ANXA8: variants seen among roughly 807,000 people sequenced by gnomAD.
ANXA8 encodes annexin A8.
Under a neutral mutation model 26.8 loss-of-function variants are expected in ANXA8, and 9 were observed. The observed-to-expected ratio is 0.34, with a 90% CI of 0.20 to 0.59. The LOEUF (loss-of-function observed/expected upper bound fraction) is 0.59. Ranked by LOEUF, ANXA8 falls within the 20% of genes least tolerant of loss-of-function variation. The pLI is 0.84. For synonymous variants in ANXA8, 39 were observed against 94.8 expected, an observed-to-expected ratio of 0.41 and a Z score of 3.42; for missense variants, 83 against 238.5, an observed-to-expected ratio of 0.35 and a Z score of 4.29.
chr10:47,510,886 T>C, the ANXA8 span, among the ~76,000 whole-genome samples: 2 of 131,204 alleles, frequency 1.5e-5, 1 homozygote, highest in Non-Finnish European at 3.2e-5. Flanking sequence ...TATTTTTTTC[T>C]ACAGCAATAA....
chr10:47,764,103 C>T, the ANXA8 span, among the ~76,000 whole-genome samples: 3 of 151,460 alleles, frequency 2.0e-5, no homozygotes, highest in Non-Finnish European at 4.4e-5. Flanking sequence ...AAGGCGGAGA[C>T]CCAGGCCACT....
the ANXA8 span, among the ~76,000 whole-genome samples, chr10:47,639,748 A>G: frequency 2.0e-5 from 3 of 149,104 alleles, no homozygotes; most frequent in Non-Finnish European, 4.4e-5. Flanking sequence ...TTTTATTGTT[A>G]TAGAACATAC....
chr10:47,671,766 T>A, the ANXA8 span, among the ~76,000 whole-genome samples: 1 of 151,960 alleles, frequency 6.6e-6, no homozygotes, highest in African/African-American at 2.4e-5. Context: ...CTTTCTTAAC[T>A]ATATTGCTTT....
the ANXA8 span, among the ~76,000 whole-genome samples, chr10:47,982,835 A>ATATAT: frequency 5.5e-4 from 7 of 12,794 alleles, no homozygotes; most frequent in African/African-American, 1.5e-3. Context: ...TATATATATA[A>ATATAT]AATTTGATAA....
the ANXA8 span, chr10:47,550,871 A>G: frequency 1.1e-5 from 2 of 186,392 alleles, no homozygotes; most frequent in Non-Finnish European, 1.2e-5. Flanking sequence ...AAAGAAAAAA[A>G]AAGTAAACTC....
chr10:47,894,547 T>G, the ANXA8 span, among the ~76,000 whole-genome samples: 1 of 121,452 alleles, frequency 8.2e-6, no homozygotes, highest in Non-Finnish European at 1.7e-5. Context: ...CACCACAGAA[T>G]ATACCCCCCT....
the ANXA8 span, among the ~76,000 whole-genome samples, chr10:47,767,710 C>T: frequency 6.6e-6 from 1 of 151,716 alleles, no homozygotes; most frequent in Admixed American, 6.6e-5. Flanking sequence ...ACGCCACCCC[C>T]TGCCCCCGTG....
the ANXA8 span, among the ~76,000 whole-genome samples, chr10:47,684,592 G>T: frequency 6.6e-6 from 1 of 151,636 alleles, no homozygotes; most frequent in Admixed American, 6.6e-5. Flanking sequence ...AGTTTTTTTT[G>T]AGATTTTTTT....
the ANXA8 span, among the ~76,000 whole-genome samples, chr10:47,700,595 A>G: frequency 6.6e-6 from 1 of 151,646 alleles, no homozygotes; most frequent in Non-Finnish European, 1.5e-5. Flanking sequence ...GTGTAGGGAA[A>G]GGCTTTTTCT....
chr10:47,579,930 A>C, the ANXA8 span, among the ~76,000 whole-genome samples: 1 of 147,234 alleles, frequency 6.8e-6, no homozygotes, highest in Admixed American at 6.8e-5. Context: ...AAACTAATAA[A>C]ATTGAAGGAA....
At chr10:47,747,818 T>A in the ANXA8 span, among the ~76,000 whole-genome samples, 1 of 151,832 alleles carries the variant, frequency 6.6e-6, no homozygotes. Context: ...GAGACTTTCA[T>A]CAAAGAACTG....
chr10:47,599,384 G>T, the ANXA8 span, among the ~76,000 whole-genome samples: 1 of 146,420 alleles, frequency 6.8e-6, no homozygotes, highest in Non-Finnish European at 1.5e-5. Flanking sequence ...GAGGAAAATG[G>T]ATACTTTGTG....
At chr10:47,747,141 G>A in the ANXA8 span, among the ~76,000 whole-genome samples, 5 of 150,338 alleles carry the variant, frequency 3.3e-5, no homozygotes, top group South Asian at 4.3e-4. Flanking sequence ...TTCAGGAAAC[G>A]TGCTGATTTT....
chr10:47,720,511 T>C, the ANXA8 span, among the ~76,000 whole-genome samples: 1 of 146,934 alleles, frequency 6.8e-6, no homozygotes, highest in African/African-American at 2.5e-5. Flanking sequence ...AAATAAATGT[T>C]GTATGGTAAA....
chr10:47,941,915 G>A, the ANXA8 span, among the ~76,000 whole-genome samples: 1 of 147,794 alleles, frequency 6.8e-6, no homozygotes, highest in Non-Finnish European at 1.5e-5. Context: ...GCCTTTCTGT[G>A]TGCTGTATCA....
At chr10:47,672,586 C>A in the ANXA8 span, among the ~76,000 whole-genome samples, 1 of 151,780 alleles carries the variant, frequency 6.6e-6, no homozygotes, top group East Asian at 1.9e-4. Flanking sequence ...AAAATTCCTG[C>A]CCTTGTGGAG....
the ANXA8 span, among the ~76,000 whole-genome samples, chr10:47,724,269 G>T: frequency 1.5e-5 from 2 of 135,336 alleles, 1 homozygote; most frequent in Non-Finnish European, 3.2e-5. Flanking sequence ...TACCTATTGC[G>T]CAAACCAGCA....
chr10:47,702,603 A>C, the ANXA8 span, among the ~76,000 whole-genome samples: 2 of 151,512 alleles, frequency 1.3e-5, no homozygotes, highest in Non-Finnish European at 2.9e-5. Context: ...GGCCTCCCAA[A>C]GTGCTGAGAT....
chr10:47,645,881 C>T, the ANXA8 span, among the ~76,000 whole-genome samples: 2 of 149,756 alleles, frequency 1.3e-5, no homozygotes, highest in Non-Finnish European at 2.9e-5. Flanking sequence ...CTCTTATCCT[C>T]TGATATTGGA....
Sources: gnomAD v4.1 joint callset for allele counts (sites outside exome capture counted in the v4.1 genomes callset) on GRCh38, gnomAD v4.1.1 for gene constraint, MANE v1.5 for transcripts, NCBI Gene and HGNC (gene_info 2026-07-23, HGNC 2026-07-21) for gene names.